The following GPR89A variants were observed in gnomAD, a reference collection of about 807,000 sequenced individuals.
The protein encoded by GPR89A is G protein-coupled receptor 89A.
In GPR89A, 16 loss-of-function variants were observed where a neutral mutation model predicts 52.0. The ratio of observed to expected loss-of-function variants is 0.31; its 90% CI spans 0.21 to 0.47. The LOEUF (loss-of-function observed/expected upper bound fraction) is 0.47, where lower values mean the gene tolerates loss of function less well. GPR89A is among the 20% of genes least tolerant of loss of function. The pLI, the probability that GPR89A is intolerant of heterozygous loss-of-function variation, is 1.00. For missense variants in GPR89A, 135 were observed against 449.4 expected, an observed-to-expected ratio of 0.30 and a Z score of 6.33; for synonymous variants, 55 against 150.9, an observed-to-expected ratio of 0.36 and a Z score of 4.66.
At chr1:145,642,624 T>C (rs1571510654) in intron 7 of GPR89A, among the ~76,000 whole-genome samples, 2 of 152,312 alleles carry the variant, frequency 1.3e-5, no homozygotes, top group Admixed American at 1.3e-4. Context: ...TTTGGTACCA[T>C]TGGTACTATT....
chr1:145,628,634 G>A (rs1553689338), intron 5 of GPR89A, among the ~76,000 whole-genome samples: 2 of 152,030 alleles, frequency 1.3e-5, no homozygotes, highest in East Asian at 1.9e-4. Context: ...GGATTGTTAT[G>A]AGGGTTAAAT....
In GPR89A at chr1:145,608,061, G is replaced by C. The variant is rs1647923873; in HGVS notation, c.-73G>C. 2 of 1,580,874 alleles carry C rather than the reference G, an allele frequency of 1.3e-6. No homozygotes were observed. Among genetic ancestry groups the C allele is most frequent in the South Asian group, 1.1e-5 (1 of 90,130 alleles). ...CTGGGAGAAGGCAGACCGTGTGAGG[G>C]GGCCTGTGGCCCCAGCGTGCTGTGG... is the stretch of plus-strand genomic sequence containing the variant. On this transcript the variant is annotated 5_prime_UTR_variant, in exon 1 of 14. Transcript: ENST00000313835.
chr1:145,669,063 TG>T (rs1270181649), intron 12 of GPR89A, among the ~76,000 whole-genome samples: 6 of 152,026 alleles, frequency 3.9e-5, no homozygotes, highest in Non-Finnish European at 5.9e-5. Flanking sequence ...GGTATCAGGA[TG>T]ATACCCTAAC....
At chr1:145,662,728 C>T (rs1461816635) in intron 10 of GPR89A, among the ~76,000 whole-genome samples, 1 of 152,176 alleles carries the variant, frequency 6.6e-6, no homozygotes, top group Non-Finnish European at 1.5e-5. Context: ...ACCTATTATG[C>T]AGACCATTTA....
intron 12 of GPR89A, among the ~76,000 whole-genome samples, chr1:145,668,618 A>G (rs1652736519): frequency 6.6e-6 from 1 of 152,076 alleles, no homozygotes. Context: ...GCTGAATAAG[A>G]GTGGTGGGAG....
intron 10 of GPR89A, among the ~76,000 whole-genome samples, chr1:145,650,537 G>C (rs1651375901): frequency 6.7e-6 from 1 of 150,350 alleles, no homozygotes; most frequent in South Asian, 2.1e-4. Context: ...TATTTCTGGT[G>C]CTAGGTCTTT....
rs1651150942 is a variant in GPR89A at position 145,647,875 on chromosome 1, CTCTCTATATA to C, written c.909+610_909+619del. 4.7e-3 allele frequency among the ~76,000 whole-genome samples: 304 copies of C among 64,466 alleles called. 3 individuals carry two copies. The highest frequency in any genetic ancestry group is 0.016 in the South Asian group (25 of 1,600). 42.3% of individuals were successfully genotyped at this position (64,466 alleles called of 152,430 possible). A position where few individuals can be genotyped will look rare whatever the true frequency, so the allele number is the denominator to read the frequency against. On this transcript the variant is annotated intron_variant, in intron 10 of 13. Transcript: ENST00000313835. ...CCTCTCTCTCTCTCTCTCTCTCTCT[CTCTCTATATA>C]TATATATATATATATATATATATAT...
At chr1:145,652,848 AT>A (rs587729456) in intron 10 of GPR89A, among the ~76,000 whole-genome samples, 4 of 147,736 alleles carry the variant, frequency 2.7e-5, no homozygotes, top group Non-Finnish European at 4.4e-5. Flanking sequence ...CCCCTTTATC[AT>A]TTTTTTTGTG....
At chr1:145,655,403 T>C (rs1651745759) in intron 10 of GPR89A, among the ~76,000 whole-genome samples, 2 of 151,056 alleles carry the variant, frequency 1.3e-5, no homozygotes, top group South Asian at 4.2e-4. Context: ...GTTGTCACCG[T>C]TTTTGTGTTG....
chr1:145,669,592 A>G lies in GPR89A; in HGVS notation c.1096-33A>G, dbSNP rs373029556. On this transcript the variant is annotated intron_variant, in intron 12 of 13. Coordinates refer to ENST00000313835, the MANE Select transcript of GPR89A (RefSeq NM_001097612.2). ...GTTCGTGACACAGGAATCTAACACTACTGCATAAATTCATCTCCCTCTTTC... is the reference window on the plus strand; with the variant it reads ...GTTCGTGACACAGGAATCTAACACTGCTGCATAAATTCATCTCCCTCTTTC... 1.2e-3 allele frequency: 1,863 copies of G among 1,609,902 alleles called. 5 individuals carry two copies. Among genetic ancestry groups the G allele is most frequent in the Middle Eastern group, 1.6e-3 (7 of 4,426 alleles).
At chr1:145,622,999 A>G in intron 3 of GPR89A, 55 bp from the exon 4 acceptor site, 5 of 1,598,588 alleles carry the variant, frequency 3.1e-6, no homozygotes, top group Non-Finnish European at 4.3e-6. Flanking sequence ...ACTAAAGAGA[A>G]AGAAAGTTGC....
chr1:145,660,618 A>G (rs1652125617), intron 10 of GPR89A, among the ~76,000 whole-genome samples: 1 of 152,078 alleles, frequency 6.6e-6, no homozygotes, highest in Admixed American at 6.5e-5. Flanking sequence ...AGAAAAAAAC[A>G]AACAACCCCA....
chr1:145,636,120 C>T (rs1276490347), intron 7 of GPR89A, among the ~76,000 whole-genome samples: 6 of 151,912 alleles, frequency 3.9e-5, no homozygotes, highest in East Asian at 1.9e-4. Context: ...GTTTGTGGTC[C>T]GACAGTAAGT....
intron 10 of GPR89A, among the ~76,000 whole-genome samples, chr1:145,662,132 C>T (rs587728143): frequency 1.2e-4 from 18 of 152,168 alleles, no homozygotes; most frequent in Non-Finnish European, 1.6e-4. Context: ...ATGTCAATTA[C>T]GTCAAATTGA....
chr1:145,621,249 GA>G, intron 3 of GPR89A, among the ~76,000 whole-genome samples: 1 of 150,184 alleles, frequency 6.7e-6, no homozygotes. Flanking sequence ...AATCTTTGAA[GA>G]AATTTCATTG....
intron 1 of GPR89A, among the ~76,000 whole-genome samples, chr1:145,609,436 T>G (rs1224310380): frequency 1.3e-5 from 2 of 152,224 alleles, no homozygotes. Context: ...TTCATAAGTA[T>G]TGTTTTTATT....
At chr1:145,627,317 A>T (rs1270466201) in intron 5 of GPR89A, among the ~76,000 whole-genome samples, 1 of 152,030 alleles carries the variant, frequency 6.6e-6, no homozygotes, top group Non-Finnish European at 1.5e-5. Flanking sequence ...GTAGAGGGGG[A>T]ATTTTTTCAG....
At chr1:145,657,027 T>G (rs1157269240) in intron 10 of GPR89A, among the ~76,000 whole-genome samples, 2 of 152,026 alleles carry the variant, frequency 1.3e-5, no homozygotes, top group Non-Finnish European at 2.9e-5. Flanking sequence ...ATTCCTAGAA[T>G]AAACCTCACT....
At chr1:145,637,992 GA>G (rs1419166529) in intron 7 of GPR89A, among the ~76,000 whole-genome samples, 1 of 143,772 alleles carries the variant, frequency 7.0e-6, no homozygotes, top group Non-Finnish European at 1.5e-5. Context: ...CCAACATAGT[GA>G]AACCCTGTCT....
Sources: allele counts gnomAD v4.1 joint callset (sites outside exome capture counted in the v4.1 genomes callset), GRCh38; gene constraint gnomAD v4.1.1; transcripts MANE v1.5; gene names NCBI Gene and HGNC (gene_info 2026-07-23, HGNC 2026-07-21).